The following WDFY2 variants were observed in gnomAD, a reference collection of about 807,000 sequenced individuals.
The protein encoded by WDFY2 is WD repeat and FYVE domain containing 2.
In WDFY2, 36 loss-of-function variants were observed where a neutral mutation model predicts 56.4. That is an observed-to-expected ratio of 0.64 (90% confidence interval 0.49 to 0.84). WDFY2 has a LOEUF of 0.84. WDFY2 is among the 40% of genes least tolerant of loss of function. The pLI, the probability that WDFY2 is intolerant of heterozygous loss-of-function variation, is 0.00. For missense variants in WDFY2, 444 were observed against 512.2 expected (o/e 0.87, Z 1.29); for synonymous variants, 176 against 183.7 (o/e 0.96, Z 0.34).
intron 1 of WDFY2, chr13:51,589,574 A>G (rs1473692540): frequency 1.3e-5 from 2 of 152,176 alleles, no homozygotes; most frequent in Non-Finnish European, 2.9e-5. Flanking sequence ...GGTGCAGTTC[A>G]GTTGAGCTCC....
At chr13:51,685,777 A>G (rs1184332263) in intron 3 of WDFY2, among the ~76,000 whole-genome samples, 2 of 152,140 alleles carry the variant, frequency 1.3e-5, no homozygotes, top group Non-Finnish European at 2.9e-5. Context: ...TGTCTAGTAA[A>G]TAACATTTAA....
At chr13:51,590,461 A>G (rs536255575) in intron 1 of WDFY2, 2 of 152,348 alleles carry the variant, frequency 1.3e-5, no homozygotes, top group African/African-American at 4.8e-5. Context: ...AAGCATGGAG[A>G]ATCATCTTGA....
At chr13:51,697,632 CAAA>C (rs200946257) in intron 3 of WDFY2, among the ~76,000 whole-genome samples, 6 of 80,116 alleles carry the variant, frequency 7.5e-5, no homozygotes, top group Admixed American at 1.4e-4. Context: ...GATCCTGCCT[CAAA>C]AAAAAAAAAA....
At chr13:51,754,090 CAAAAAAA>C (rs34329123) in intron 8 of WDFY2, among the ~76,000 whole-genome samples, 1 of 100,616 alleles carries the variant, frequency 9.9e-6, no homozygotes, top group East Asian at 2.8e-4. Flanking sequence ...AAGGCTGTCT[CAAAAAAA>C]AAAAAAAAAA....
At chr13:51,631,784 C>T (rs1019335212) in intron 1 of WDFY2, among the ~76,000 whole-genome samples, 1 of 152,216 alleles carries the variant, frequency 6.6e-6, no homozygotes, top group African/African-American at 2.4e-5. Flanking sequence ...CCATCTCAGC[C>T]TCCCAAAGTG....
intron 4 of WDFY2, among the ~76,000 whole-genome samples, chr13:51,714,858 T>C (rs1566170663): frequency 6.6e-6 from 1 of 152,250 alleles, no homozygotes; most frequent in South Asian, 2.1e-4. Flanking sequence ...GATTGCTTAC[T>C]ACATGCCTGG....
chr13:51,672,751 G>C (rs1955827821), intron 2 of WDFY2, among the ~76,000 whole-genome samples: 1 of 152,092 alleles, frequency 6.6e-6, no homozygotes, highest in Admixed American at 6.6e-5. Context: ...TCTTTGTAGA[G>C]GTCTTTCACC....
chr13:51,668,494 G>A (rs1192914376), intron 2 of WDFY2, among the ~76,000 whole-genome samples: 1 of 152,176 alleles, frequency 6.6e-6, no homozygotes, highest in Non-Finnish European at 1.5e-5. Context: ...GAAAATTGAA[G>A]TCCTAAATAT....
At chr13:51,756,804 A>G (rs1339259670) in intron 10 of WDFY2, among the ~76,000 whole-genome samples, 1 of 152,212 alleles carries the variant, frequency 6.6e-6, no homozygotes, top group East Asian at 1.9e-4. Flanking sequence ...TTCTGTCCCA[A>G]GCTGGTATCT....
chr13:51,733,506 C>T (rs193190700), intron 6 of WDFY2, among the ~76,000 whole-genome samples: 74 of 152,260 alleles, frequency 4.9e-4, no homozygotes, highest in East Asian at 1.5e-3. Context: ...CTCAGGTTGG[C>T]GGGAAACCAG....
At chr13:51,745,858 A>G (rs1329861956) in intron 7 of WDFY2, among the ~76,000 whole-genome samples, 1 of 151,232 alleles carries the variant, frequency 6.6e-6, no homozygotes, top group Non-Finnish European at 1.5e-5. Context: ...TTTGTTTTGC[A>G]TATCCAGAGC....
chr13:51,738,843 T>C (rs1236643981), intron 6 of WDFY2, among the ~76,000 whole-genome samples: 1 of 152,230 alleles, frequency 6.6e-6, no homozygotes, highest in African/African-American at 2.4e-5. Flanking sequence ...TTATGGTACA[T>C]GAAATGTTGG....
intron 4 of WDFY2, among the ~76,000 whole-genome samples, chr13:51,707,653 A>G (rs1488442488): frequency 1.3e-5 from 2 of 152,340 alleles, no homozygotes; most frequent in African/African-American, 4.8e-5. Flanking sequence ...ATGCCAAAAG[A>G]AACTATGTGT....
At chr13:51,649,850 A>G (rs1015906642) in intron 1 of WDFY2, among the ~76,000 whole-genome samples, 7 of 152,122 alleles carry the variant, frequency 4.6e-5, no homozygotes, top group East Asian at 1.9e-4. Flanking sequence ...GTCAGGTAGC[A>G]TGATGCCTCC....
At chr13:51,738,639 CTAAT>C (rs1593465790) in intron 6 of WDFY2, among the ~76,000 whole-genome samples, 3 of 152,144 alleles carry the variant, frequency 2.0e-5, no homozygotes, top group South Asian at 4.1e-4. Flanking sequence ...AATAAAAAAT[CTAAT>C]TGAGCATTTG....
intron 8 of WDFY2, 145 bp downstream of exon 8, chr13:51,751,560 G>T (rs758252642): frequency 2.0e-5 from 14 of 700,578 alleles, no homozygotes; most frequent in South Asian, 1.8e-5. Flanking sequence ...TGTTTGGGTT[G>T]TTTTTTTTTT....
At chr13:51,688,325 A>C (rs1456262556) in intron 3 of WDFY2, among the ~76,000 whole-genome samples, 1 of 152,112 alleles carries the variant, frequency 6.6e-6, no homozygotes, top group East Asian at 1.9e-4. Flanking sequence ...TTTTCTGAAG[A>C]GTGTAGTGAC....
At chr13:51,622,155 G>A (rs768905805) in intron 1 of WDFY2, among the ~76,000 whole-genome samples, 10 of 152,184 alleles carry the variant, frequency 6.6e-5, no homozygotes, top group Non-Finnish European at 5.9e-5. Flanking sequence ...GCACATTTGT[G>A]CTGTGATTGC....
chr13:51,695,517 G>T (rs1951849587), intron 3 of WDFY2, among the ~76,000 whole-genome samples: 1 of 152,212 alleles, frequency 6.6e-6, no homozygotes, highest in African/African-American at 2.4e-5. Flanking sequence ...AACCGGGAAT[G>T]CTGCTGTCTG....
Sources: allele counts gnomAD v4.1 joint callset (sites outside exome capture counted in the v4.1 genomes callset), GRCh38; gene constraint gnomAD v4.1.1; transcripts MANE v1.5; gene names NCBI Gene and HGNC (gene_info 2026-07-23, HGNC 2026-07-21).